The following LRAT variants were observed in gnomAD, a reference collection of about 807,000 sequenced individuals.
LRAT encodes the protein lecithin retinol acyltransferase.
LRAT carries 11 observed loss-of-function variants against 14.2 expected under a neutral mutation model. The ratio of observed to expected loss-of-function variants is 0.78; its 90% CI spans 0.49 to 1.29. The LOEUF is 1.29. LRAT is among the 50% of genes most tolerant of loss of function. The pLI is 0.00. For synonymous variants in LRAT, 144 were observed against 124.8 expected (o/e 1.15, Z -1.03); for missense variants, 274 against 292.4 (o/e 0.94, Z 0.46).
chr4:154,753,082 G>C lies in LRAT; in HGVS notation c.*3946G>C, dbSNP rs1013644480. ...GTCAGCTAAGCTAATTTTATATTTG[G>C]TATACATGCATGTCAAATAAAGTTA... On this transcript the variant is annotated 3_prime_UTR_variant, in exon 3 of 3. Coordinates refer to ENST00000336356, the MANE Select transcript of LRAT (RefSeq NM_004744.5). 5.3e-5 allele frequency: 8 copies of C among 151,974 alleles called. No individual in the cohort carries two copies. Among genetic ancestry groups the C allele is most frequent in the Non-Finnish European group, 1.2e-4 (8 of 67,994 alleles). 9.4% of individuals were successfully genotyped at this position (151,974 alleles called of 1,614,324 possible). A position where few individuals can be genotyped will look rare whatever the true frequency, so the allele number is the denominator to read the frequency against.
chr4:154,748,295 T>C (rs1732922399), intron 2 of LRAT: 5 of 980,228 alleles, frequency 5.1e-6, no homozygotes, highest in Non-Finnish European at 6.1e-6. Context: ...CAATAAGAGC[T>C]GGAGCCAGGA....
At chr4:154,742,430 A>G (rs1732785168), upstream of LRAT, among the ~76,000 whole-genome samples, 1 of 152,094 alleles carries the variant, frequency 6.6e-6, no homozygotes, top group South Asian at 2.1e-4. Context: ...CCCGGCCTCC[A>G]AGGATAATGG....
chr4:154,744,597 G>A lies in LRAT; in HGVS notation c.271G>A (p.Val91Met), dbSNP rs777314071. 8 of 1,614,150 alleles carry A rather than the reference G, an allele frequency of 5.0e-6. No homozygotes were observed. The highest frequency in any genetic ancestry group is 1.6e-4 in the Middle Eastern group (1 of 6,062). ...LTDDMGRTQK[V>M]VSNKRLILGV... is the part of the protein sequence containing the mutation. ...AGACGACATGGGGCGCACGCAGAAG[G>A]TGGTCTCCAACAAGCGTCTCATCCT... The change falls in exon 2 of 3, where the codon GTG becomes ATG. Residue 91 changes from valine to methionine, a missense_variant. Transcript: ENST00000336356.
Position 154,752,755 on chromosome 4 carries a change from A to G in LRAT, c.*3619A>G, listed in dbSNP as rs1161395465. On this transcript the variant is annotated 3_prime_UTR_variant, in exon 3 of 3. Transcript: ENST00000336356. ...CAGAAAGTTGGTTCTTGCAAAATAG[A>G]TTAACTTGATGACTATGTGTATATT... 1 of 152,214 alleles carries G rather than the reference A, an allele frequency of 6.6e-6. No individual in the cohort carries two copies. Among genetic ancestry groups the G allele is most frequent in the Non-Finnish European group, 1.5e-5 (1 of 68,036 alleles). The allele number at this position is 152,214 out of a possible 1,614,324, so 9.4% of individuals were successfully genotyped here.
intron 2 of LRAT, 50 bp downstream of exon 2, chr4:154,744,916 C>G: frequency 6.3e-7 from 1 of 1,585,428 alleles, no homozygotes; most frequent in Non-Finnish European, 8.6e-7. Flanking sequence ...GATGCCCCCT[C>G]CCATCCCTGA....
At position 154,744,118 on chromosome 4, in the gene LRAT, C is replaced by T. The variant is rs1008727786; in HGVS notation, c.-106C>T. On this transcript the variant is annotated 5_prime_UTR_variant, in exon 1 of 3. Coordinates refer to ENST00000336356, the MANE Select transcript of LRAT (RefSeq NM_004744.5). The stretch of plus-strand genomic sequence containing the variant: ...CCACCGGTTCCTTATCCGTCTCATT[C>T]CCCATTGTGGCTTGGCTGAGCCGGT... 25 of 603,994 alleles carry T rather than the reference C, an allele frequency of 4.1e-5. No homozygotes were observed. Among genetic ancestry groups the T allele is most frequent in the Non-Finnish European group, 7.1e-5 (24 of 338,260 alleles). The allele number at this position is 603,994 out of a possible 1,614,324, so 37.4% of individuals were successfully genotyped here. A position where few individuals can be genotyped will look rare whatever the true frequency, so the allele number is the denominator to read the frequency against.
chr4:154,741,149 A>G (rs1161812520), upstream of LRAT, among the ~76,000 whole-genome samples: 1 of 142,366 alleles, frequency 7.0e-6, no homozygotes, highest in African/African-American at 2.6e-5. Flanking sequence ...GAGAACATTG[A>G]GAAGCTGCCT....
At chr4:154,742,658 C>T (rs150312202), upstream of LRAT, among the ~76,000 whole-genome samples, 181 of 152,270 alleles carry the variant, frequency 1.2e-3, no homozygotes, top group African/African-American at 4.1e-3. Context: ...TGCATTAGCA[C>T]GGAACTCAGC....
At chr4:154,741,583 T>C (rs1283998872), upstream of LRAT, among the ~76,000 whole-genome samples, 1 of 152,162 alleles carries the variant, frequency 6.6e-6, no homozygotes, top group Admixed American at 6.5e-5. Context: ...CTATACAGAT[T>C]CATGCCTCGT....
At chr4:154,741,468 T>G (rs1046174262), upstream of LRAT, among the ~76,000 whole-genome samples, 1 of 152,188 alleles carries the variant, frequency 6.6e-6, no homozygotes, top group Non-Finnish European at 1.5e-5. Context: ...CGTTCTGGCT[T>G]AAAAAATTGG....
At position 154,752,114 on chromosome 4, in the gene LRAT, T is replaced by C. The variant is rs1156992830; in HGVS notation, c.*2978T>C. ...ATAATTGTATTAGGACTTTCTGCAG[T>C]TGACATTTGCATAAAGCTGACTGAC... On this transcript the variant is annotated 3_prime_UTR_variant, in exon 3 of 3. Transcript: ENST00000336356. The C allele has an allele frequency of 6.6e-6, 1 of 152,186 alleles. No homozygotes were observed. Among genetic ancestry groups the C allele is most frequent in the African/African-American group, 2.4e-5 (1 of 41,444 alleles). The allele number at this position is 152,186 out of a possible 1,614,324, so 9.4% of individuals were successfully genotyped here.
At position 154,744,220 on chromosome 4, in the gene LRAT, C is replaced by A; in HGVS notation, c.-4C>A. On this transcript the variant is annotated splice_region_variant and 5_prime_UTR_variant, in exon 1 of 3. Transcript: ENST00000336356. ...TTTGCGCCGTACCTCACCTGGCCTGCAGGTGAGCAGCAGCGCAGCACCCCT... is the reference window on the plus strand; with the variant it reads ...TTTGCGCCGTACCTCACCTGGCCTGAAGGTGAGCAGCAGCGCAGCACCCCT... 8.4e-7 allele frequency: 1 copy of A among 1,187,540 alleles called. No individual in the cohort carries two copies. The highest frequency in any genetic ancestry group is 1.2e-6 in the Non-Finnish European group (1 of 806,856). 73.6% of individuals were successfully genotyped at this position (1,187,540 alleles called of 1,614,324 possible).
At chr4:154,742,778 A>G (rs1449709859), upstream of LRAT, among the ~76,000 whole-genome samples, 1 of 152,172 alleles carries the variant, frequency 6.6e-6, no homozygotes, top group African/African-American at 2.4e-5. Flanking sequence ...GTCGGGCTGC[A>G]GGCGCACGGG....
At chr4:154,747,377 T>C (rs1578862115) in intron 2 of LRAT, among the ~76,000 whole-genome samples, 1 of 41,838 alleles carries the variant, frequency 2.4e-5, no homozygotes, top group African/African-American at 6.9e-5. Flanking sequence ...TCTACTATGA[T>C]TTTTTTTTAC....
chr4:154,746,530 T>C (rs528380132), intron 2 of LRAT, among the ~76,000 whole-genome samples: 12 of 152,222 alleles, frequency 7.9e-5, no homozygotes, highest in African/African-American at 2.6e-4. Context: ...CCAGGCCTGT[T>C]TAGAAATGAA....
Position 154,744,148 on chromosome 4 carries a change from A to C in LRAT, c.-76A>C. On this transcript the variant is annotated 5_prime_UTR_variant, in exon 1 of 3. Transcript: ENST00000336356. ...TTGTGGCTTGGCTGAGCCGGTCGCCAGGCCTCGCTGTCCTCCTTTGCCTTC... is the reference window on the plus strand; with the variant it reads ...TTGTGGCTTGGCTGAGCCGGTCGCCCGGCCTCGCTGTCCTCCTTTGCCTTC... 1.6e-6 allele frequency: 1 copy of C among 642,444 alleles called. No homozygotes were observed. 39.8% of individuals were successfully genotyped at this position (642,444 alleles called of 1,614,324 possible). A position where few individuals can be genotyped will look rare whatever the true frequency, so the allele number is the denominator to read the frequency against.
At position 154,744,177 on chromosome 4, in the gene LRAT, T is replaced by G. The variant is rs895329154; in HGVS notation, c.-47T>G. 4 of 774,458 alleles carry G rather than the reference T, an allele frequency of 5.2e-6. No homozygotes were observed. In the African/African-American group the frequency reaches 6.9e-5, roughly 13 times the overall value. The allele number at this position is 774,458 out of a possible 1,614,324, so 48.0% of individuals were successfully genotyped here. A position where few individuals can be genotyped will look rare whatever the true frequency, so the allele number is the denominator to read the frequency against. ...CTCGCTGTCCTCCTTTGCCTTCCTC[T>G]CTCCTCAGCGGCCGTACTTTGCGCC... is the stretch of plus-strand genomic sequence containing the variant. On this transcript the variant is annotated 5_prime_UTR_variant, in exon 1 of 3. Transcript: ENST00000336356.
upstream of LRAT, among the ~76,000 whole-genome samples, chr4:154,741,895 A>C (rs1032678559): frequency 6.6e-6 from 1 of 152,222 alleles, no homozygotes; most frequent in African/African-American, 2.4e-5. Context: ...AGGTGGAGGC[A>C]GTCATAAGCA....
Position 154,744,093 on chromosome 4 carries a change from C to T in LRAT, c.-131C>T, listed in dbSNP as rs1238217133. ...CTGGTCTCACTGTCCCCGCCGTCAG[C>T]CACCGGTTCCTTATCCGTCTCATTC... On this transcript the variant is annotated 5_prime_UTR_variant, in exon 1 of 3. Transcript: ENST00000336356. 1.4e-5 allele frequency: 8 copies of T among 577,520 alleles called. No individual in the cohort carries two copies. Among genetic ancestry groups the T allele is most frequent in the Non-Finnish European group, 2.5e-5 (8 of 322,042 alleles). The allele number at this position is 577,520 out of a possible 1,614,324, so 35.8% of individuals were successfully genotyped here.
Sources: allele counts gnomAD v4.1 joint callset (sites outside exome capture counted in the v4.1 genomes callset), GRCh38; gene constraint gnomAD v4.1.1; transcripts MANE v1.5; gene names NCBI Gene and HGNC (gene_info 2026-07-23, HGNC 2026-07-21).